ACOX2: variants seen among roughly 807,000 people sequenced by gnomAD.
ACOX2 encodes acyl-CoA oxidase 2.
Under a neutral mutation model 77.5 loss-of-function variants are expected in ACOX2, and 59 were observed. The ratio of observed to expected loss-of-function variants is 0.76; its 90% CI spans 0.62 to 0.95. The LOEUF (loss-of-function observed/expected upper bound fraction) is 0.95. Among genes scored for constraint, ACOX2 ranks in the 40% least tolerant of loss-of-function variants. The pLI is 0.00. For missense variants in ACOX2, 837 were observed against 880.4 expected (o/e 0.95, Z 0.62); for synonymous variants, 317 against 340.1 (o/e 0.93, Z 0.75).
intron 8 of ACOX2, among the ~76,000 whole-genome samples, chr3:58,529,714 C>T (rs2063422796): frequency 6.6e-6 from 1 of 152,234 alleles, no homozygotes; most frequent in African/African-American, 2.4e-5. Context: ...GGCGAGGGCG[C>T]TGTGAGCTTG....
rs1469173681 is a variant in ACOX2, at chr3:58,530,554, A to G, written c.904T>C (p.Ser302Pro). ...PMVVVRVELL[S>P]GEILPILQKA... ...TGCAGTATAGGGAGGATCTCCCCTG[A>G]CAGCAGCTCCACCCGCACCACCACC... Residue 302 changes from serine to proline, a missense_variant, in exon 8 of 15, where the codon TCA becomes CCA. Coordinates refer to ENST00000302819, the MANE Select transcript of ACOX2 (RefSeq NM_003500.4). 1.9e-6 allele frequency: 3 copies of G among 1,614,116 alleles called. No individual in the cohort carries two copies. Among genetic ancestry groups the G allele is most frequent in the Admixed American group, 3.3e-5 (2 of 60,008 alleles).
rs1294202521 is a variant in ACOX2 at position 58,512,117 on chromosome 3, A to C, written c.1851-3092T>G. On this transcript the variant is annotated intron_variant, in intron 13 of 14. Coordinates refer to ENST00000302819, the MANE Select transcript of ACOX2 (RefSeq NM_003500.4). This position sits in a 1 kb window ranked among gnomAD's most constrained non-coding sequence, Gnocchi z 4.8. Reference sequence around the variant, plus strand: ...CTGATAGGCTCTTCAAAAGTAATGTATCTGAACCCAAACTCCTTCCCGTCC... The same window carrying C: ...CTGATAGGCTCTTCAAAAGTAATGTCTCTGAACCCAAACTCCTTCCCGTCC... Among the ~76,000 whole-genome samples, 1 of 152,224 alleles carries C rather than the reference A, an allele frequency of 6.6e-6. No individual in the cohort carries two copies. The highest frequency in any genetic ancestry group is 1.9e-4 in the East Asian group (1 of 5,202).
Position 58,525,999 on chromosome 3 carries a change from A to G in ACOX2, c.1346+467T>C, listed in dbSNP as rs2063391181. ...ACCACTGCACTCCAGCCTGGGTGAC[A>G]GTGAGACTCCATCTCAAAAAAAAAA... On this transcript the variant is annotated intron_variant, in intron 10 of 14. Coordinates refer to ENST00000302819, the MANE Select transcript of ACOX2 (RefSeq NM_003500.4). The surrounding 1 kb of genome is among the most constrained non-coding windows in gnomAD (Gnocchi z 5.0). Among the ~76,000 whole-genome samples the G allele has an allele frequency of 6.6e-6, 1 of 151,974 alleles. No individual in the cohort carries two copies. The highest frequency in any genetic ancestry group is 2.4e-5 in the African/African-American group (1 of 41,382).
chr3:58,506,135 A>G (rs1372110030), intron 14 of ACOX2, among the ~76,000 whole-genome samples: 1 of 152,182 alleles, frequency 6.6e-6, no homozygotes, highest in Non-Finnish European at 1.5e-5. Context: ...AGTATCTAGA[A>G]TAGTTTTTGG....
At position 58,530,587 on chromosome 3, in the gene ACOX2, G is replaced by T. The variant is rs773462423; in HGVS notation, c.871C>A (p.Leu291Ile). Residue 291 changes from leucine to isoleucine, a missense_variant, in exon 8 of 15, where the codon CTT becomes ATT. Leu to Ile is a conservative substitution (Grantham distance 5). Transcript: ENST00000302819. ...VKLGTAQSNY[L>I]PMVVVRVELL... ...TCCACCCGCACCACCACCATGGGAA[G>T]GTAGTTGCTCTGTGCTGTACCGAGT... is the stretch of plus-strand genomic sequence containing the variant. The T allele has an allele frequency of 6.2e-7, 1 of 1,614,248 alleles. No homozygotes were observed. Among genetic ancestry groups the T allele is most frequent in the South Asian group, 1.1e-5 (1 of 91,088 alleles).
chr3:58,513,715 A>G (rs1165734656), intron 13 of ACOX2, among the ~76,000 whole-genome samples: 3 of 150,868 alleles, frequency 2.0e-5, no homozygotes, highest in Non-Finnish European at 2.9e-5. Context: ...TTTGGTCTCC[A>G]TCTTTTATGT....
rs1333270902 is a variant in ACOX2 at position 58,535,371 on chromosome 3, A to G, written c.-91-174T>C. 1 of 512,572 alleles carries G rather than the reference A, an allele frequency of 2.0e-6. No homozygotes were observed. The highest frequency in any genetic ancestry group is 3.5e-6 in the Non-Finnish European group (1 of 285,658). The allele number at this position is 512,572 out of a possible 1,614,324, so 31.8% of individuals were successfully genotyped here. ...ATGGTATGCAGCCATTGCTTGGTAC[A>G]TGTTTGTTCAATACTTGTTAGCCAA... On this transcript the variant is annotated intron_variant, in intron 1 of 14. Coordinates refer to ENST00000302819, the MANE Select transcript of ACOX2 (RefSeq NM_003500.4). This position sits in a 1 kb window ranked among gnomAD's most constrained non-coding sequence, Gnocchi z 4.8.
In ACOX2 at chr3:58,534,999, G is replaced by T; in HGVS notation, c.108C>A (p.Leu36=). The change falls in exon 2 of 15, where the codon CTC becomes CTA. Residue 36 remains leucine, a synonymous_variant. Transcript: ENST00000302819. This position sits in a 1 kb window ranked among gnomAD's most constrained non-coding sequence, Gnocchi z 4.8. ...GGGCACCTCCATCAAGGATGTTGGT[G>T]AGCCGTTCCACGTCAAAGGACTGCA... The part of the protein sequence containing the change: ...RYMQSFDVER[L]TNILDGGAQN... The T allele has an allele frequency of 6.2e-7, 1 of 1,614,186 alleles. No individual in the cohort carries two copies. The highest frequency in any genetic ancestry group is 8.5e-7 in the Non-Finnish European group (1 of 1,180,026).
At position 58,517,215 on chromosome 3, in the gene ACOX2, C is replaced by T. The variant is rs756273246; in HGVS notation, c.1841G>A (p.Arg614His). Residue 614 changes from arginine to histidine, a missense_variant, in exon 13 of 15, where the codon CGC (arginine) becomes CAC (histidine). Coordinates refer to ENST00000302819, the MANE Select transcript of ACOX2 (RefSeq NM_003500.4). ...AGTCTCTGCCACTCACCGGATCAGG[C>T]GGAGCAGGTCCAGGTAGGCTGTTCT... ...MARTAYLDLL[R>H]LIRKDAILLT... 2.1e-5 allele frequency: 34 copies of T among 1,613,708 alleles called. No individual in the cohort carries two copies. Among genetic ancestry groups the T allele is most frequent in the Non-Finnish European group, 2.8e-5 (33 of 1,179,954 alleles).
At chr3:58,518,863 C>A (rs2063340231) in intron 12 of ACOX2, among the ~76,000 whole-genome samples, 1 of 150,352 alleles carries the variant, frequency 6.7e-6, no homozygotes, top group Non-Finnish European at 1.5e-5. Flanking sequence ...TGGTCTCGAA[C>A]TCCTGAGCTC....
rs2063338745 is a variant in ACOX2 at position 58,518,641 on chromosome 3, G to GT, written c.1633-1219dup. Among the ~76,000 whole-genome samples the GT allele has an allele frequency of 3.9e-5, 6 of 152,210 alleles. No individual in the cohort carries two copies. In the South Asian group the frequency reaches 6.2e-4, roughly 16 times the overall value. Reference sequence around the variant, plus strand: ...AAGTATAAAGCAGTGCTTCTTAATTGTTTTTTCTGAGATAGAATCTCACTC... The same window carrying GT: ...AAGTATAAAGCAGTGCTTCTTAATTGTTTTTTTCTGAGATAGAATCTCACTC... On this transcript the variant is annotated intron_variant, in intron 12 of 14. Coordinates refer to ENST00000302819, the MANE Select transcript of ACOX2 (RefSeq NM_003500.4).
Position 58,534,521 on chromosome 3 carries a change from C to G in ACOX2, c.162G>C (p.Glu54Asp). Residue 54 changes from glutamate to aspartate, a missense_variant and splice_region_variant, in exon 3 of 15, where the codon GAG (glutamate) becomes GAC (aspartate). Glu to Asp is a conservative substitution (Grantham distance 45, BLOSUM62 2). Coordinates refer to ENST00000302819, the MANE Select transcript of ACOX2 (RefSeq NM_003500.4). The surrounding 1 kb of genome is among the most constrained non-coding windows in gnomAD (Gnocchi z 4.8). The part of the protein sequence containing the change: ...AQNTALRRKV[E>D]SIIHSYPEFS... ...ACTCCGGGTAACTGTGGATGATGCTCTCTGCAGAGGACAGAGAACAGAGGG... is the reference window on the plus strand; with the variant it reads ...ACTCCGGGTAACTGTGGATGATGCTGTCTGCAGAGGACAGAGAACAGAGGG... 8 of 1,614,216 alleles carry G rather than the reference C, an allele frequency of 5.0e-6. No homozygotes were observed. Among genetic ancestry groups the G allele is most frequent in the Non-Finnish European group, 6.8e-6 (8 of 1,180,044 alleles).
chr3:58,508,389 T>G lies in ACOX2; in HGVS notation c.1983+504A>C, dbSNP rs368369122. 1.1e-4 allele frequency among the ~76,000 whole-genome samples: 16 copies of G among 152,322 alleles called. No homozygotes were observed. The South Asian group carries it at 3.3e-3, about 32-fold the overall frequency. ...GCAGCTTTCTTTGCTCCTTGGATTG[T>G]ATTCCTTAGAGTGAAGAGGAGAGGG... is the stretch of plus-strand genomic sequence containing the variant. On this transcript the variant is annotated intron_variant, in intron 14 of 14. Transcript: ENST00000302819.
In ACOX2 at chr3:58,522,595, T is replaced by C. The variant is rs778534371; in HGVS notation, c.1533A>G (p.Ile511Met). Residue 511 changes from isoleucine to methionine, a missense_variant, in exon 12 of 15, where the codon ATA becomes ATG. Physicochemically the swap from Ile to Met is conservative, Grantham distance 10. Coordinates refer to ENST00000302819, the MANE Select transcript of ACOX2 (RefSeq NM_003500.4). The surrounding 1 kb of genome is among the most constrained non-coding windows in gnomAD (Gnocchi z 4.3). The part of the protein sequence containing the change: ...TAWAHVAVRL[I>M]KDSVQHLQTL... ...TCTGTAAATGCTGCACTGAGTCCTT[T>C]ATGAGCCTGAAAGCCAAAGCAAAAA... 5.6e-6 allele frequency: 9 copies of C among 1,614,018 alleles called. No homozygotes were observed. In the East Asian group the frequency reaches 1.8e-4, roughly 32 times the overall value.
In ACOX2 at chr3:58,530,393, T is replaced by C. The variant is rs1259772279; in HGVS notation, c.992+73A>G. 4 of 1,555,154 alleles carry C rather than the reference T, an allele frequency of 2.6e-6. No individual in the cohort carries two copies. The African/African-American group carries it at 4.0e-5, about 16-fold the overall frequency. ...CAGCACTCTGGCTCTGGCAGAAGGG[T>C]GGTGTCAGGGGGAGGCACTGTGGGA... On this transcript the variant is annotated intron_variant, in intron 8 of 14. Transcript: ENST00000302819.
rs1407084061 is a variant in ACOX2 at position 58,505,871 on chromosome 3, A to G, written c.1984-585T>C. On this transcript the variant is annotated intron_variant, in intron 14 of 14. Transcript: ENST00000302819. This position sits in a 1 kb window ranked among gnomAD's most constrained non-coding sequence, Gnocchi z 4.4. Reference sequence around the variant, plus strand: ...AGTGGTGCGATTTTGGCTCACTGCAACTTCCGCCTCCTGGGTTCAAGCGAT... The same window carrying G: ...AGTGGTGCGATTTTGGCTCACTGCAGCTTCCGCCTCCTGGGTTCAAGCGAT... Among the ~76,000 whole-genome samples the G allele has an allele frequency of 6.6e-6, 1 of 152,076 alleles. No individual in the cohort carries two copies. Among genetic ancestry groups the G allele is most frequent in the East Asian group, 1.9e-4 (1 of 5,188 alleles).
rs2107990246 is a variant in ACOX2 at position 58,512,957 on chromosome 3, A to T, written c.1851-3932T>A. ...CCTGAAGACACATTTCTCAGAACGGATCCTCCAGTCATTAAGTGATGCATG... is the reference window on the plus strand; with the variant it reads ...CCTGAAGACACATTTCTCAGAACGGTTCCTCCAGTCATTAAGTGATGCATG... On this transcript the variant is annotated intron_variant, in intron 13 of 14. Transcript: ENST00000302819. This position sits in a 1 kb window ranked among gnomAD's most constrained non-coding sequence, Gnocchi z 4.8. Among the ~76,000 whole-genome samples, 1 of 152,322 alleles carries T rather than the reference A, an allele frequency of 6.6e-6. No individual in the cohort carries two copies. The highest frequency in any genetic ancestry group is 2.4e-5 in the African/African-American group (1 of 41,572).
intron 12 of ACOX2, among the ~76,000 whole-genome samples, chr3:58,518,389 C>T (rs569708257): frequency 1.3e-5 from 2 of 152,292 alleles, no homozygotes; most frequent in South Asian, 4.1e-4. Context: ...CCCGAAGACC[C>T]CCTCCTTCTC....
Position 58,531,934 on chromosome 3 carries a change from A to T in ACOX2, c.584-122T>A, listed in dbSNP as rs2063443458. 2.2e-6 allele frequency: 3 copies of T among 1,374,590 alleles called. No homozygotes were observed. The African/African-American group carries it at 4.4e-5, about 20-fold the overall frequency. 85.1% of individuals were successfully genotyped at this position (1,374,590 alleles called of 1,614,324 possible). ...CCTCTGGGGCCCTGAAAAGTCACTGATCAAAGAGAGAGGGGATTGCCCCCA... is the reference window on the plus strand; with the variant it reads ...CCTCTGGGGCCCTGAAAAGTCACTGTTCAAAGAGAGAGGGGATTGCCCCCA... On this transcript the variant is annotated intron_variant, in intron 5 of 14. Transcript: ENST00000302819. The surrounding 1 kb of genome is among the most constrained non-coding windows in gnomAD (Gnocchi z 5.8).
Sources: allele counts gnomAD v4.1 joint callset (sites outside exome capture counted in the v4.1 genomes callset), GRCh38; gene constraint gnomAD v4.1.1; non-coding constraint Gnocchi (gnomAD v3.1); transcripts MANE v1.5; gene names NCBI Gene and HGNC (gene_info 2026-07-23, HGNC 2026-07-21).